TNFSF4: variants seen among roughly 807,000 people sequenced by gnomAD.
TNFSF4 encodes the protein tumor necrosis factor ligand superfamily member 4.
Under a neutral mutation model 7.3 loss-of-function variants are expected in TNFSF4, and 4 were observed. The ratio of observed to expected loss-of-function variants is 0.55; its 90% confidence interval spans 0.27 to 1.25. The LOEUF is 1.25. TNFSF4 is among the 50% of genes most tolerant of loss of function. The pLI, the probability that TNFSF4 is intolerant of heterozygous loss-of-function variation, is 0.12. For missense variants in TNFSF4, 181 were observed against 208.8 expected (o/e 0.87, Z 0.82); for synonymous variants, 76 against 83.7 (o/e 0.91, Z 0.50).
the TNFSF4 span, among the ~76,000 whole-genome samples, chr1:173,407,838 A>G: frequency 6.6e-6 from 1 of 152,028 alleles, no homozygotes; most frequent in African/African-American, 2.4e-5. Context: ...TTTATCCCCT[A>G]CAAAATTCAT....
chr1:173,299,996 T>C, the TNFSF4 span, among the ~76,000 whole-genome samples: 1 of 151,820 alleles, frequency 6.6e-6, no homozygotes, highest in Non-Finnish European at 1.5e-5. Context: ...TCTCAATCTC[T>C]AAAAGGCATA....
the TNFSF4 span, chr1:173,418,724 G>A: frequency 6.6e-6 from 1 of 151,336 alleles, no homozygotes; most frequent in Non-Finnish European, 1.5e-5. Context: ...ATAATGGAGG[G>A]ACTCCAAGAC....
chr1:173,405,391 T>C, the TNFSF4 span, among the ~76,000 whole-genome samples: 1 of 152,162 alleles, frequency 6.6e-6, no homozygotes, highest in Non-Finnish European at 1.5e-5. Flanking sequence ...CACTTAAAAG[T>C]ATAAAAACTA....
chr1:173,314,827 C>T, the TNFSF4 span, among the ~76,000 whole-genome samples: 1 of 151,818 alleles, frequency 6.6e-6, no homozygotes, highest in African/African-American at 2.4e-5. Flanking sequence ...AGATACCAAC[C>T]CCCTCAAAGA....
At chr1:173,343,789 G>A in the TNFSF4 span, among the ~76,000 whole-genome samples, 1 of 152,160 alleles carries the variant, frequency 6.6e-6, no homozygotes. Context: ...ATGGATGGAT[G>A]GGTGGATGCA....
the TNFSF4 span, among the ~76,000 whole-genome samples, chr1:173,220,616 G>C: frequency 6.6e-6 from 1 of 152,214 alleles, no homozygotes; most frequent in East Asian, 1.9e-4. Flanking sequence ...ATGAGGGTGG[G>C]GGTGCCATGA....
the TNFSF4 span, among the ~76,000 whole-genome samples, chr1:173,412,750 T>C: frequency 1.3e-5 from 2 of 152,192 alleles, no homozygotes; most frequent in African/African-American, 4.8e-5. Context: ...GTGATTATCT[T>C]TGAGTGGAGT....
the TNFSF4 span, among the ~76,000 whole-genome samples, chr1:173,447,954 C>T: frequency 6.6e-6 from 1 of 152,012 alleles, no homozygotes; most frequent in Non-Finnish European, 1.5e-5. Context: ...CATACAAACA[C>T]TAATCGAAAG....
chr1:173,399,213 C>CCCCTGCT, the TNFSF4 span, among the ~76,000 whole-genome samples: 1 of 152,170 alleles, frequency 6.6e-6, no homozygotes, highest in South Asian at 2.1e-4. Flanking sequence ...ATGGTCCTCA[C>CCCCTGCT]CCCTGCTCTA....
the TNFSF4 span, among the ~76,000 whole-genome samples, chr1:173,288,359 C>G: frequency 1.3e-5 from 2 of 152,082 alleles, no homozygotes; most frequent in African/African-American, 4.8e-5. Context: ...CTGCTTGAGC[C>G]CAGGAGGCAG....
At chr1:173,209,504 CATTTATTT>C (rs1244905302), upstream of TNFSF4, among the ~76,000 whole-genome samples, 2 of 151,998 alleles carry the variant, frequency 1.3e-5, no homozygotes, top group African/African-American at 4.8e-5. Flanking sequence ...TTTTCATTTG[CATTTATTT>C]ATTTATTTTA....
chr1:173,391,876 A>G, the TNFSF4 span, among the ~76,000 whole-genome samples: 1 of 152,246 alleles, frequency 6.6e-6, no homozygotes, highest in African/African-American at 2.4e-5. Flanking sequence ...TTATAAAAAT[A>G]AAAAGCAGGA....
At chr1:173,395,064 T>TAGAC in the TNFSF4 span, among the ~76,000 whole-genome samples, 6 of 151,404 alleles carry the variant, frequency 4.0e-5, no homozygotes, top group Admixed American at 4.0e-4. Flanking sequence ...GATAGATAGA[T>TAGAC]AGATAGATAG....
At chr1:173,208,028 T>C (rs1312679683), upstream of TNFSF4, among the ~76,000 whole-genome samples, 5 of 152,218 alleles carry the variant, frequency 3.3e-5, no homozygotes, top group African/African-American at 9.6e-5. Context: ...TTCCCGTACA[T>C]AATTTTTCCA....
chr1:173,269,495 C>T, the TNFSF4 span, among the ~76,000 whole-genome samples: 27 of 152,100 alleles, frequency 1.8e-4, no homozygotes, highest in Admixed American at 4.6e-4. Flanking sequence ...TCCAGCATCA[C>T]TATTTTTGCA....
At chr1:173,270,329 G>A in the TNFSF4 span, among the ~76,000 whole-genome samples, 1 of 152,112 alleles carries the variant, frequency 6.6e-6, no homozygotes. Flanking sequence ...CTAGTGTAAA[G>A]GTGCCACTTA....
chr1:173,228,503 T>C, the TNFSF4 span, among the ~76,000 whole-genome samples: 6 of 149,980 alleles, frequency 4.0e-5, no homozygotes, highest in African/African-American at 1.2e-4. Flanking sequence ...AAGCTGAAAA[T>C]TCTAAAAATC....
At chr1:173,174,276 G>A in the TNFSF4 span, 1 of 152,168 alleles carries the variant, frequency 6.6e-6, no homozygotes, top group Non-Finnish European at 1.5e-5. Flanking sequence ...CATTCAACAA[G>A]TCTCTAGGAA....
At chr1:173,289,232 A>G in the TNFSF4 span, among the ~76,000 whole-genome samples, 1 of 152,206 alleles carries the variant, frequency 6.6e-6, no homozygotes, top group African/African-American at 2.4e-5. Context: ...CCATCTGTGT[A>G]GATGGCATAA....
Sources: allele counts gnomAD v4.1 joint callset (sites outside exome capture counted in the v4.1 genomes callset), GRCh38; gene constraint gnomAD v4.1.1; transcripts MANE v1.5; gene names NCBI Gene and HGNC (gene_info 2026-07-23, HGNC 2026-07-21).